RAB11FIP5: variants seen among roughly 807,000 people sequenced by gnomAD.
RAB11FIP5 encodes RAB11 family interacting protein 5, also known as rab11 family-interacting protein 5.
In RAB11FIP5, 48 loss-of-function variants were observed where a neutral mutation model predicts 85.1. That is an observed-to-expected ratio of 0.56 (90% confidence interval 0.45 to 0.72). The LOEUF is 0.72. RAB11FIP5 is among the 30% of genes least tolerant of loss of function. The pLI, the probability that RAB11FIP5 is intolerant of heterozygous loss-of-function variation, is 0.00. For synonymous variants in RAB11FIP5, 729 were observed against 727.3 expected, an observed-to-expected ratio of 1.00 and a Z score of -0.04; for missense variants, 1,491 against 1,687.0, an observed-to-expected ratio of 0.88 and a Z score of 2.04.
intron 1 of RAB11FIP5, among the ~76,000 whole-genome samples, chr2:73,111,463 G>A (rs946714114): frequency 2.6e-5 from 4 of 152,178 alleles, no homozygotes; most frequent in Non-Finnish European, 5.9e-5. Flanking sequence ...TGTCAGCCCC[G>A]GGGACTGGCT....
Position 73,079,920 on chromosome 2 carries a change from G to A in RAB11FIP5, c.3312C>T (p.Asp1104=), listed in dbSNP as rs901529519. 11 of 1,232,286 alleles carry A rather than the reference G, an allele frequency of 8.9e-6. No homozygotes were observed. The highest frequency in any genetic ancestry group is 1.6e-5 in the African/African-American group (1 of 64,404). The allele number at this position is 1,232,286 out of a possible 1,614,324, so 76.3% of individuals were successfully genotyped here. The stretch of plus-strand genomic sequence containing the variant: ...AAGGCGGGAGAGGGGGCGGTGGAAA[G>A]TCAGGCTCTGGGGGAGTGGGCAGCT... ...PEELPTPPEP[D]FPPPPLPPWA... is the part of the protein sequence containing the mutation. Residue 1104 remains aspartate (D), a synonymous_variant, in exon 4 of 6, where the codon GAC becomes GAT. Transcript: ENST00000486777.
At chr2:73,082,329 G>T (rs768629703) in intron 3 of RAB11FIP5, among the ~76,000 whole-genome samples, 1 of 152,074 alleles carries the variant, frequency 6.6e-6, no homozygotes, top group Non-Finnish European at 1.5e-5. Context: ...TAAAAGCAAA[G>T]AAAACACCAG....
Position 73,081,928 on chromosome 2 carries a change from C to T in RAB11FIP5, c.1569-265G>A, listed in dbSNP as rs1329108647. On this transcript the variant is annotated intron_variant, in intron 3 of 5. Transcript: ENST00000486777. The surrounding 1 kb of genome is among the most constrained non-coding windows in gnomAD (Gnocchi z 4.2). ...ATCATCTCATCTGATAGGCAGGATC[C>T]GATCCAAACCTAACCAAGTGTTCTT... Among the ~76,000 whole-genome samples the T allele has an allele frequency of 2.0e-5, 3 of 152,102 alleles. No individual in the cohort carries two copies. Among genetic ancestry groups the T allele is most frequent in the Non-Finnish European group, 4.4e-5 (3 of 68,020 alleles).
At chr2:73,099,149 A>G (rs1277458822) in intron 1 of RAB11FIP5, among the ~76,000 whole-genome samples, 1 of 149,030 alleles carries the variant, frequency 6.7e-6, no homozygotes, top group African/African-American at 2.5e-5. Flanking sequence ...TCCTGAGTTC[A>G]AGCAATTCTC....
At chr2:73,101,501 C>T (rs1023543256) in intron 1 of RAB11FIP5, among the ~76,000 whole-genome samples, 14 of 152,168 alleles carry the variant, frequency 9.2e-5, no homozygotes, top group Admixed American at 5.9e-4. Context: ...TTTCTAAAGG[C>T]ACCCAAATCT....
At chr2:73,109,724 G>A (rs898148517) in intron 1 of RAB11FIP5, among the ~76,000 whole-genome samples, 34 of 152,174 alleles carry the variant, frequency 2.2e-4, no homozygotes, top group African/African-American at 8.0e-4. Flanking sequence ...AGCTGCAAAG[G>A]GCCAGCTCAT....
rs58907775 is a variant in RAB11FIP5 at position 73,089,882 on chromosome 2, TACAC to T, written c.432-571_432-568del. On this transcript the variant is annotated intron_variant, in intron 1 of 5. Transcript: ENST00000486777. The surrounding 1 kb of genome is among the most constrained non-coding windows in gnomAD (Gnocchi z 4.6). ...GCTAGTGCATACACTCATGTATGTA[TACAC>T]ACACACACACACACACACACACACA... Among the ~76,000 whole-genome samples, 20,632 of 148,042 alleles carry T rather than the reference TACAC, an allele frequency of 0.14. 1,836 individuals carry two copies. Among genetic ancestry groups the T allele is most frequent in the Middle Eastern group, 0.26 (76 of 288 alleles).
At position 73,075,912 on chromosome 2, in the gene RAB11FIP5, T is replaced by C. The variant is rs1206382549; in HGVS notation, c.3771+81A>G. The C allele has an allele frequency of 6.6e-7, 1 of 1,524,468 alleles. No individual in the cohort carries two copies. Among genetic ancestry groups the C allele is most frequent in the Non-Finnish European group, 8.9e-7 (1 of 1,122,570 alleles). 94.4% of individuals were successfully genotyped at this position (1,524,468 alleles called of 1,614,324 possible). ...GATATGGGGGACCTGGCCTGCTCCC[T>C]GCCCCACCCTCACCAGGACCAAGCC... On this transcript the variant is annotated intron_variant, in intron 5 of 5. Coordinates refer to ENST00000486777, the MANE Select transcript of RAB11FIP5 (RefSeq NM_001371272.1). This position sits in a 1 kb window ranked among gnomAD's most constrained non-coding sequence, Gnocchi z 4.6.
chr2:73,088,012 C>G, intron 3 of RAB11FIP5, 38 bp downstream of exon 3: 2 of 1,545,332 alleles, frequency 1.3e-6, no homozygotes, highest in South Asian at 2.5e-5. Context: ...CCCCAGCATC[C>G]TCCCCAAGGA....
At position 73,080,444 on chromosome 2, in the gene RAB11FIP5, G is replaced by C; in HGVS notation, c.2788C>G (p.Pro930Ala). The change falls in exon 4 of 6, where the codon CCG becomes GCG. Residue 930 changes from proline (P) to alanine (A), a missense_variant. Coordinates refer to ENST00000486777, the MANE Select transcript of RAB11FIP5 (RefSeq NM_001371272.1). The part of the protein sequence containing the change: ...KAAVGLSNRG[P>A]ETEGEDASPS... Reference sequence around the variant, plus strand: ...GAGGCATCTTCTCCCTCTGTCTCCGGCCCCCTGTTACTCAGCCCCACTGCG... The same window carrying C: ...GAGGCATCTTCTCCCTCTGTCTCCGCCCCCCTGTTACTCAGCCCCACTGCG... 8.1e-7 allele frequency: 1 copy of C among 1,233,686 alleles called. No individual in the cohort carries two copies. Among genetic ancestry groups the C allele is most frequent in the Non-Finnish European group, 1.0e-6 (1 of 988,876 alleles). 76.4% of individuals were successfully genotyped at this position (1,233,686 alleles called of 1,614,324 possible).
At chr2:73,077,788 TACATAAACTATA>T (rs1158870002) in intron 4 of RAB11FIP5, among the ~76,000 whole-genome samples, 1 of 152,128 alleles carries the variant, frequency 6.6e-6, no homozygotes, top group East Asian at 1.9e-4. Flanking sequence ...CTGTGACAGG[TACATAAACTATA>T]ACATAAACTG....
At position 73,081,002 on chromosome 2, in the gene RAB11FIP5, C is replaced by T. The variant is rs1049624711; in HGVS notation, c.2230G>A (p.Gly744Arg). The change falls in exon 4 of 6, where the codon GGG (glycine) becomes AGG (arginine). Residue 744 changes from glycine (G) to arginine (R), a missense_variant. Around this residue, in one of 3 missense-constraint regions of RAB11FIP5, gnomAD observed 1,211 missense variants for 1,338.0 expected, o/e 0.91. Coordinates refer to ENST00000486777, the MANE Select transcript of RAB11FIP5 (RefSeq NM_001371272.1). This position sits in a 1 kb window ranked among gnomAD's most constrained non-coding sequence, Gnocchi z 4.2. ...GAGGGCAGGCCAGCCCCTACCGACC[C>T]GAGGAGCCCTGGGTCAGCCGCGCTC... Reference protein sequence around the residue: ...SASAADPGLLGSVGAGLPSSS... With the variant: ...SASAADPGLLRSVGAGLPSSS... 4.1e-6 allele frequency: 5 copies of T among 1,232,362 alleles called. No homozygotes were observed. Among genetic ancestry groups the T allele is most frequent in the Non-Finnish European group, 4.0e-6 (4 of 988,116 alleles). The allele number at this position is 1,232,362 out of a possible 1,614,324, so 76.3% of individuals were successfully genotyped here.
At chr2:73,105,295 TG>T (rs1465745905) in intron 1 of RAB11FIP5, among the ~76,000 whole-genome samples, 1 of 151,934 alleles carries the variant, frequency 6.6e-6, no homozygotes, top group Non-Finnish European at 1.5e-5. Context: ...CAGGCTGGAG[TG>T]CAGTGGGGCA....
Position 73,079,861 on chromosome 2 carries a change from G to A in RAB11FIP5, c.3371C>T (p.Pro1124Leu). 4.1e-6 allele frequency: 5 copies of A among 1,232,456 alleles called. No homozygotes were observed. Among genetic ancestry groups the A allele is most frequent in the Non-Finnish European group, 5.1e-6 (5 of 988,200 alleles). 76.3% of individuals were successfully genotyped at this position (1,232,456 alleles called of 1,614,324 possible). Residue 1124 changes from proline (P) to leucine (L), a missense_variant, in exon 4 of 6, where the codon CCA (proline) becomes CTA (leucine). Coordinates refer to ENST00000486777, the MANE Select transcript of RAB11FIP5 (RefSeq NM_001371272.1). ...ASHHRGGPSP[P>L]CSPLSEAWPL... Reference sequence around the variant, plus strand: ...CCAGGCTTCAGACAGGGGAGAGCATGGAGGGCTGGGCCCCCCACGGTGGTG... The same window carrying A: ...CCAGGCTTCAGACAGGGGAGAGCATAGAGGGCTGGGCCCCCCACGGTGGTG...
chr2:73,112,684 G>A lies in RAB11FIP5; in HGVS notation c.94C>T (p.Arg32Trp). ...QVTVLRARGL[R>W]GKSSGAGSTS... ...CTGCCCGCTCCCGAGCTCTTGCCCC[G>A]CAGCCCGCGGGCCCGCAGCACCGTC... The change falls in exon 1 of 6, where the codon CGG becomes TGG. Residue 32 changes from arginine to tryptophan, a missense_variant. Physicochemically the swap from Arg to Trp is moderately radical, Grantham distance 101. Transcript: ENST00000486777. The A allele has an allele frequency of 6.3e-7, 1 of 1,585,098 alleles. No homozygotes were observed. Among genetic ancestry groups the A allele is most frequent in the Non-Finnish European group, 8.6e-7 (1 of 1,167,718 alleles).
chr2:73,101,511 T>C (rs1237556831), intron 1 of RAB11FIP5, among the ~76,000 whole-genome samples: 2 of 152,174 alleles, frequency 1.3e-5, no homozygotes, highest in African/African-American at 2.4e-5. Flanking sequence ...CACCCAAATC[T>C]GTTGGAGTGG....
Position 73,088,504 on chromosome 2 carries a change from A to G in RAB11FIP5, c.1114T>C (p.Ser372Pro). 6.2e-7 allele frequency: 1 copy of G among 1,614,024 alleles called. No individual in the cohort carries two copies. Reference sequence around the variant, plus strand: ...GGCCCCTCCTCGGAGAACCGGGAAGAGACAGCTTGCAAGGAGCCAGAGGAT... The same window carrying G: ...GGCCCCTCCTCGGAGAACCGGGAAGGGACAGCTTGCAAGGAGCCAGAGGAT... ...LPSSGSLQAV[S>P]SRFSEEGPRS... The change falls in exon 3 of 6, where the codon TCT becomes CCT. Residue 372 changes from serine to proline, a missense_variant. Ser to Pro is a moderately conservative substitution (Grantham distance 74, BLOSUM62 -1). Around this residue, in one of 3 missense-constraint regions of RAB11FIP5, gnomAD observed 1,211 missense variants for 1,338.0 expected, o/e 0.91. Transcript: ENST00000486777.
chr2:73,080,508 G>T lies in RAB11FIP5; in HGVS notation c.2724C>A (p.Phe908Leu). The stretch of plus-strand genomic sequence containing the variant: ...CCTCCTCCTGGGATCTTGAGGGTGT[G>T]AAGAGGCGCGGTGGCTTGGGAGGTG... The part of the protein sequence containing the change: ...STPPPKPPRL[F>L]TPSRSQEEEE... Residue 908 changes from phenylalanine to leucine, a missense_variant, in exon 4 of 6, where the codon TTC becomes TTA. Coordinates refer to ENST00000486777, the MANE Select transcript of RAB11FIP5 (RefSeq NM_001371272.1). 8.1e-7 allele frequency: 1 copy of T among 1,233,102 alleles called. No homozygotes were observed. 76.4% of individuals were successfully genotyped at this position (1,233,102 alleles called of 1,614,324 possible). A position where few individuals can be genotyped will look rare whatever the true frequency, so the allele number is the denominator to read the frequency against.
chr2:73,076,021 C>T lies in RAB11FIP5; in HGVS notation c.3743G>A (p.Gly1248Asp), dbSNP rs1244245030. ...IQPVTQAPQA[G>D]QMVDTKRLKD... Reference sequence around the variant, plus strand: ...CAGCCTTTTGGTGTCCACCATCTGGCCAGCCTGGGGGGCCTGGGTCACAGG... The same window carrying T: ...CAGCCTTTTGGTGTCCACCATCTGGTCAGCCTGGGGGGCCTGGGTCACAGG... Residue 1248 changes from glycine to aspartate, a missense_variant, in exon 5 of 6, where the codon GGC becomes GAC. Around this residue, in one of 3 missense-constraint regions of RAB11FIP5, gnomAD observed 232 missense variants for 259.1 expected, o/e 0.90. Transcript: ENST00000486777. 1 of 1,613,808 alleles carries T rather than the reference C, an allele frequency of 6.2e-7. No homozygotes were observed. Among genetic ancestry groups the T allele is most frequent in the Non-Finnish European group, 8.5e-7 (1 of 1,179,732 alleles).
Sources: gnomAD v4.1 joint callset for allele counts (sites outside exome capture counted in the v4.1 genomes callset) on GRCh38, gnomAD v4.1.1 for gene constraint, gnomAD v4.1.1 regional missense constraint, Gnocchi (gnomAD v3.1) non-coding constraint, MANE v1.5 for transcripts, NCBI Gene and HGNC (gene_info 2026-07-23, HGNC 2026-07-21) for gene names.